The following KCNIP1 variants were observed in gnomAD, a reference collection of about 807,000 sequenced individuals.
KCNIP1 encodes potassium voltage-gated channel interacting protein 1, also known as A-type potassium channel modulatory protein KCNIP1.
KCNIP1 carries 18 observed loss-of-function variants against 33.0 expected under a neutral mutation model. The ratio of observed to expected loss-of-function variants is 0.55; its 90% confidence interval spans 0.38 to 0.81. The LOEUF (loss-of-function observed/expected upper bound fraction) is 0.81. KCNIP1 is among the 30% of genes least tolerant of loss of function. The pLI is 0.00. For missense variants in KCNIP1, 238 were observed against 271.6 expected (o/e 0.88, Z 0.87); for synonymous variants, 93 against 98.3 (o/e 0.95, Z 0.32).
intron 1 of KCNIP1, among the ~76,000 whole-genome samples, chr5:170,426,274 A>ACACACACAAAC (rs371118514): frequency 3.5e-5 from 2 of 56,712 alleles, no homozygotes; most frequent in Non-Finnish European, 7.1e-5. Context: ...CACACACACA[A>ACACACACAAAC]ACACACACAC....
chr5:170,557,339 C>T (rs1318932929), intron 1 of KCNIP1, among the ~76,000 whole-genome samples: 1 of 152,212 alleles, frequency 6.6e-6, no homozygotes, highest in Non-Finnish European at 1.5e-5. Context: ...AGACAACTTT[C>T]TCTCCTGAAG....
At chr5:170,681,362 G>T (rs1210840740) in intron 1 of KCNIP1, 5 of 372,720 alleles carry the variant, frequency 1.3e-5, no homozygotes, top group East Asian at 1.2e-4. Context: ...TGCGCTGTCC[G>T]TCGTGCTGAA....
At chr5:170,443,089 G>A (rs1756030025) in intron 1 of KCNIP1, among the ~76,000 whole-genome samples, 1 of 152,140 alleles carries the variant, frequency 6.6e-6, no homozygotes, top group Non-Finnish European at 1.5e-5. Context: ...GCTAGTGGAG[G>A]GTCAGAGAGG....
intron 1 of KCNIP1, among the ~76,000 whole-genome samples, chr5:170,440,582 G>T (rs368663999): frequency 2.6e-5 from 4 of 152,300 alleles, no homozygotes; most frequent in African/African-American, 9.6e-5. Context: ...GAGACTACAG[G>T]ACTACAGATG....
At chr5:170,665,494 T>G (rs1444698909) in intron 1 of KCNIP1, among the ~76,000 whole-genome samples, 1 of 152,198 alleles carries the variant, frequency 6.6e-6, no homozygotes. Flanking sequence ...TAGAATAGTT[T>G]TAAATTATAG....
At chr5:170,683,363 A>G (rs1326981617) in intron 1 of KCNIP1, among the ~76,000 whole-genome samples, 2 of 152,208 alleles carry the variant, frequency 1.3e-5, no homozygotes, top group Non-Finnish European at 2.9e-5. Context: ...AATTTCCAAA[A>G]ATGCAGCAAT....
chr5:170,541,129 A>C (rs13170324), intron 1 of KCNIP1, among the ~76,000 whole-genome samples: 38,039 of 151,670 alleles, frequency 0.25, 6,493 homozygotes, highest in African/African-American at 0.49. Context: ...AGGCCCTTCC[A>C]CTCTCTGAGC....
intron 1 of KCNIP1, among the ~76,000 whole-genome samples, chr5:170,463,158 TAAC>T (rs1756542312): frequency 6.6e-6 from 1 of 152,218 alleles, no homozygotes; most frequent in African/African-American, 2.4e-5. Context: ...AACTACCAAA[TAAC>T]AAAGAAATTG....
At chr5:170,367,352 A>AGAAGGAAAGAAG (rs1561586696) in intron 1 of KCNIP1, among the ~76,000 whole-genome samples, 1 of 41,726 alleles carries the variant, frequency 2.4e-5, no homozygotes, top group African/African-American at 1.0e-4. Flanking sequence ...GGAAAGAAAA[A>AGAAGGAAAGAAG]GAAAGAAAGA....
intron 1 of KCNIP1, among the ~76,000 whole-genome samples, chr5:170,523,673 G>A (rs565229016): frequency 6.6e-6 from 1 of 152,170 alleles, no homozygotes; most frequent in South Asian, 2.1e-4. Flanking sequence ...ACCTCCCTGG[G>A]ACAATCCACC....
intron 1 of KCNIP1, among the ~76,000 whole-genome samples, chr5:170,488,263 A>C (rs933157604): frequency 1.3e-5 from 2 of 152,134 alleles, no homozygotes; most frequent in African/African-American, 4.8e-5. Context: ...GTTTCATCAG[A>C]TCTTCAAAAG....
intron 1 of KCNIP1, among the ~76,000 whole-genome samples, chr5:170,388,840 T>C (rs1764591850): frequency 6.6e-6 from 1 of 152,228 alleles, no homozygotes; most frequent in African/African-American, 2.4e-5. Flanking sequence ...ACATGTATCA[T>C]AGCACCTAGC....
chr5:170,573,634 C>A (rs10042934), intron 1 of KCNIP1, among the ~76,000 whole-genome samples: 32,147 of 151,724 alleles, frequency 0.21, 4,077 homozygotes, highest in African/African-American at 0.36. Flanking sequence ...ATGGTCTTAA[C>A]CCATTGAGAA....
At chr5:170,429,622 C>T (rs1428935808) in intron 1 of KCNIP1, among the ~76,000 whole-genome samples, 1 of 152,082 alleles carries the variant, frequency 6.6e-6, no homozygotes, top group African/African-American at 2.4e-5. Context: ...TCCCCCACAC[C>T]CTCACCCTTC....
In KCNIP1 at chr5:170,504,302, G is replaced by A. The variant is rs1754617694; in HGVS notation, c.-271G>A. On this transcript the variant is annotated 5_prime_UTR_variant, in exon 1 of 8. Transcript: ENST00000328939. The surrounding 1 kb of genome is among the most constrained non-coding windows in gnomAD (Gnocchi z 6.0). ...GGGCACCGTCCTCGGCCCTGGGCGA[G>A]GGAACCGCCGGGCCGGGTCCTCGCG... 3 of 1,344,646 alleles carry A rather than the reference G, an allele frequency of 2.2e-6. No individual in the cohort carries two copies. The highest frequency in any genetic ancestry group is 2.9e-6 in the Non-Finnish European group (3 of 1,051,420). The allele number at this position is 1,344,646 out of a possible 1,614,324, so 83.3% of individuals were successfully genotyped here. A position where few individuals can be genotyped will look rare whatever the true frequency, so the allele number is the denominator to read the frequency against.
intron 1 of KCNIP1, among the ~76,000 whole-genome samples, chr5:170,601,613 A>C (rs1339235440): frequency 6.6e-6 from 1 of 152,218 alleles, no homozygotes; most frequent in African/African-American, 2.4e-5. Context: ...GAGCAGAGAC[A>C]ATAAATAATT....
chr5:170,566,630 A>T (rs1467782926), intron 1 of KCNIP1, among the ~76,000 whole-genome samples: 1 of 152,208 alleles, frequency 6.6e-6, no homozygotes, highest in African/African-American at 2.4e-5. Flanking sequence ...CTACATTGAT[A>T]GATGTAAACA....
At chr5:170,564,374 A>G (rs17072741) in intron 1 of KCNIP1, among the ~76,000 whole-genome samples, 12,311 of 152,072 alleles carry the variant, frequency 0.081, 1,645 homozygotes, top group African/African-American at 0.27. Flanking sequence ...TGACTACAAC[A>G]CTTATTTGCA....
At chr5:170,537,512 TTGCCCTGGA>T (rs1243445555) in intron 1 of KCNIP1, among the ~76,000 whole-genome samples, 2 of 152,176 alleles carry the variant, frequency 1.3e-5, no homozygotes, top group African/African-American at 2.4e-5. Context: ...GTACAAACCC[TTGCCCTGGA>T]TGTTCTGTTT....
Sources: allele counts gnomAD v4.1 joint callset (sites outside exome capture counted in the v4.1 genomes callset), GRCh38; gene constraint gnomAD v4.1.1; non-coding constraint Gnocchi (gnomAD v3.1); transcripts MANE v1.5; gene names NCBI Gene and HGNC (gene_info 2026-07-23, HGNC 2026-07-21).